Variants in OR3A2 observed in about 807,000 individuals in gnomAD.
The protein encoded by OR3A2 is olfactory receptor family 3 subfamily A member 2.
For synonymous variants in OR3A2, 126 were observed against 159.3 expected, an observed-to-expected ratio of 0.79 and a Z score of 1.57; for missense variants, 318 against 392.8, an observed-to-expected ratio of 0.81 and a Z score of 1.61.
chr17:3,339,890 TCTGTCTGGTC>T (rs2049302878), intron 2 of OR3A2, among the ~76,000 whole-genome samples: 1 of 152,204 alleles, frequency 6.6e-6, no homozygotes, highest in South Asian at 2.1e-4. Context: ...CAGCTGTGAA[TCTGTCTGGTC>T]CTGGACTTTT....
chr17:3,364,312 G>A (rs1451783916), intron 2 of OR3A2, among the ~76,000 whole-genome samples: 1 of 152,112 alleles, frequency 6.6e-6, no homozygotes, highest in East Asian at 1.9e-4. Flanking sequence ...AGGCTAGTTA[G>A]CATATCTCAC....
rs192298850 is a variant in OR3A2, at chr17:3,325,392, T to A, written c.-85+10641A>T. Among the ~76,000 whole-genome samples, 283 of 151,994 alleles carry A rather than the reference T, an allele frequency of 1.9e-3. 1 individual carries two copies. The highest frequency in any genetic ancestry group is 6.5e-3 in the African/African-American group (269 of 41,400). On this transcript the variant is annotated intron_variant, in intron 3 of 4. Transcript: ENST00000573491. ...ACCTGGCTAATTTTTATACTTTTAGTAGAGATGCGGTTTCACCAGGTTGGC... is the reference window on the plus strand; with the variant it reads ...ACCTGGCTAATTTTTATACTTTTAGAAGAGATGCGGTTTCACCAGGTTGGC...
At chr17:3,306,260 T>C (rs1290235517) in intron 3 of OR3A2, among the ~76,000 whole-genome samples, 1 of 151,860 alleles carries the variant, frequency 6.6e-6, no homozygotes, top group African/African-American at 2.4e-5. Context: ...CAAGCAATCC[T>C]CCTACCTTAG....
intron 2 of OR3A2, among the ~76,000 whole-genome samples, chr17:3,374,543 T>G (rs1357255328): frequency 6.6e-6 from 1 of 152,232 alleles, no homozygotes; most frequent in Non-Finnish European, 1.5e-5. Context: ...CTTCGAGCTC[T>G]GACATTCTTT....
intron 3 of OR3A2, among the ~76,000 whole-genome samples, chr17:3,314,467 A>G (rs1285896628): frequency 2.0e-5 from 3 of 151,314 alleles, no homozygotes; most frequent in East Asian, 3.9e-4. Flanking sequence ...TGTATAGCAC[A>G]TATGACTAAA....
intron 2 of OR3A2, among the ~76,000 whole-genome samples, chr17:3,359,775 A>C (rs571624731): frequency 1.3e-5 from 2 of 151,740 alleles, no homozygotes; most frequent in East Asian, 3.9e-4. Flanking sequence ...GCTGCATAGT[A>C]TTCCATGGTG....
At chr17:3,283,824 G>A (rs1198505475) in intron 1 of OR3A2, among the ~76,000 whole-genome samples, 1 of 151,022 alleles carries the variant, frequency 6.6e-6, no homozygotes, top group East Asian at 1.9e-4. Context: ...AGGGGTAGAA[G>A]AACCACTAAA....
At chr17:3,321,925 C>G (rs937725016) in intron 3 of OR3A2, among the ~76,000 whole-genome samples, 2 of 152,070 alleles carry the variant, frequency 1.3e-5, no homozygotes, top group African/African-American at 4.8e-5. Flanking sequence ...CCCTCTTTTT[C>G]TTTTGATTGG....
intron 3 of OR3A2, chr17:3,292,208 T>G: frequency 4.3e-6 from 7 of 1,613,938 alleles, no homozygotes; most frequent in Non-Finnish European, 5.9e-6. Context: ...TGGCCAGGAA[T>G]CGGTCATAGG....
At chr17:3,315,751 T>TGGG (rs59845428) in intron 3 of OR3A2, among the ~76,000 whole-genome samples, 38 of 128,914 alleles carry the variant, frequency 2.9e-4, no homozygotes, top group Middle Eastern at 3.9e-3. Flanking sequence ...GGTGAAAATA[T>TGGG]GGGGGGGGGG....
intron 3 of OR3A2, among the ~76,000 whole-genome samples, chr17:3,323,365 T>G (rs186814570): frequency 2.4e-4 from 37 of 152,264 alleles, no homozygotes; most frequent in African/African-American, 8.9e-4. Context: ...ATATTCAAAG[T>G]TAATATCGTT....
intron 3 of OR3A2, among the ~76,000 whole-genome samples, chr17:3,308,547 T>C (rs1251298810): frequency 6.6e-6 from 1 of 152,134 alleles, no homozygotes; most frequent in Non-Finnish European, 1.5e-5. Context: ...GAGGGAAGAA[T>C]CAGTAATGAC....
At chr17:3,337,449 G>A (rs546599271) in intron 2 of OR3A2, among the ~76,000 whole-genome samples, 2 of 150,018 alleles carry the variant, frequency 1.3e-5, no homozygotes, top group African/African-American at 2.4e-5. Flanking sequence ...GAGAGGCCCC[G>A]GTGTGTGATG....
chr17:3,291,281 T>G (rs1597321238), intron 3 of OR3A2: 1 of 196,960 alleles, frequency 5.1e-6, no homozygotes, highest in South Asian at 1.8e-4. Context: ...TGGCGGGGAG[T>G]TTTCTGGGGT....
chr17:3,334,796 A>G (rs557664005), intron 3 of OR3A2, among the ~76,000 whole-genome samples: 1 of 152,356 alleles, frequency 6.6e-6, no homozygotes, highest in Admixed American at 6.5e-5. Context: ...GAAGAGTGTC[A>G]TAGGCTTTTA....
At chr17:3,323,416 A>G (rs1418194952) in intron 3 of OR3A2, among the ~76,000 whole-genome samples, 1 of 151,916 alleles carries the variant, frequency 6.6e-6, no homozygotes, top group Non-Finnish European at 1.5e-5. Flanking sequence ...TCAGCTGGCT[A>G]TTTTGCCCAT....
chr17:3,289,090 GGTGTGTTTGTGTGTGTGAGT>G (rs376788629), upstream of OR3A2, among the ~76,000 whole-genome samples: 977 of 152,024 alleles, frequency 6.4e-3, 8 homozygotes, highest in African/African-American at 0.021. Flanking sequence ...TTTGAATGTG[GGTGTGTTTGTGTGTGTGAGT>G]GTGTGTTTGT....
At chr17:3,376,461 G>A (rs1048081370) in intron 2 of OR3A2, among the ~76,000 whole-genome samples, 1 of 93,154 alleles carries the variant, frequency 1.1e-5, no homozygotes, top group Non-Finnish European at 2.1e-5. Context: ...AGGGCTTGCT[G>A]CAGCCACTGT....
intron 2 of OR3A2, among the ~76,000 whole-genome samples, chr17:3,354,573 G>T (rs2049448688): frequency 6.6e-6 from 1 of 151,238 alleles, no homozygotes. Context: ...AGTCACTAAT[G>T]ATCCTTCAAA....
Sources: gnomAD v4.1 joint callset for allele counts (sites outside exome capture counted in the v4.1 genomes callset) on GRCh38, gnomAD v4.1.1 for gene constraint, MANE v1.5 for transcripts, NCBI Gene and HGNC (gene_info 2026-07-23, HGNC 2026-07-21) for gene names.